CSMD1: variants seen among roughly 807,000 people sequenced by gnomAD.
The protein encoded by CSMD1 is CUB and sushi domain-containing protein 1.
Under a neutral mutation model 417.5 loss-of-function variants are expected in CSMD1, and 213 were observed. That is an observed-to-expected ratio of 0.51 (90% confidence interval 0.46 to 0.57). CSMD1 has a LOEUF of 0.57. Among genes scored for constraint, CSMD1 ranks in the 20% least tolerant of loss-of-function variants. The pLI is 0.00. For missense variants in CSMD1, 6,923 were observed against 4,529.7 expected (o/e 1.53, Z -15.17); for synonymous variants, 2,862 against 1,736.8 (o/e 1.65, Z -16.11).
chr8:4,955,476 G>C (rs1809036761), intron 1 of CSMD1, among the ~76,000 whole-genome samples: 2 of 150,194 alleles, frequency 1.3e-5, no homozygotes, highest in South Asian at 4.2e-4. Context: ...TTTATTGTGA[G>C]ACAGAGTCTC....
At chr8:3,609,503 T>C (rs971978273) in intron 8 of CSMD1, among the ~76,000 whole-genome samples, 10 of 152,188 alleles carry the variant, frequency 6.6e-5, no homozygotes, top group Admixed American at 2.6e-4. Context: ...AATGATAGAA[T>C]TAATATTTAG....
chr8:4,937,931 TC>T (rs1807732634), intron 1 of CSMD1, among the ~76,000 whole-genome samples: 1 of 152,328 alleles, frequency 6.6e-6, no homozygotes, highest in African/African-American at 2.4e-5. Context: ...TACCTACTTA[TC>T]TAAATTTTGT....
rs777447263 is a variant in CSMD1 at position 3,307,766 on chromosome 8, G to C, written c.3879C>G (p.Gly1293=). 2 of 1,613,578 alleles carry C rather than the reference G, an allele frequency of 1.2e-6. No individual in the cohort carries two copies. Residue 1293 remains glycine (G), a synonymous_variant, in exon 25 of 70, where the codon GGC becomes GGG. Transcript: ENST00000635120. ...GGTTGTTGTCATACGGAGCTGGATA[G>C]CCAGGGGACAATATTCGTCCTGATG... ...AATSGRILSP[G]YPAPYDNNLH...
intron 3 of CSMD1, among the ~76,000 whole-genome samples, chr8:4,255,660 C>A (rs114484111): frequency 3.3e-5 from 5 of 152,130 alleles, no homozygotes; most frequent in East Asian, 1.9e-4. Context: ...TTGGACTTTG[C>A]TAATATGTAT....
chr8:2,954,393 C>T, intron 64 of CSMD1, 125 bp from the exon 65 acceptor site: 4 of 566,438 alleles, frequency 7.1e-6, no homozygotes, highest in Non-Finnish European at 1.2e-5. Flanking sequence ...ATATGAATAC[C>T]TTATACATAT....
chr8:4,528,058 T>C (rs1563258568), intron 2 of CSMD1, among the ~76,000 whole-genome samples: 1 of 152,190 alleles, frequency 6.6e-6, no homozygotes, highest in East Asian at 1.9e-4. Flanking sequence ...CCTAGAGCCT[T>C]TCCCACCACA....
intron 5 of CSMD1, among the ~76,000 whole-genome samples, chr8:3,768,195 A>AAG (rs1798390344): frequency 6.6e-6 from 1 of 152,164 alleles, no homozygotes; most frequent in Non-Finnish European, 1.5e-5. Flanking sequence ...ATCTTTAGGA[A>AAG]GAGTGGTTCC....
intron 26 of CSMD1, among the ~76,000 whole-genome samples, chr8:3,256,309 G>GAAAAAAAAAA (rs61572877): frequency 1.2e-5 from 1 of 81,432 alleles, no homozygotes. Flanking sequence ...TAAGTCTCAA[G>GAAAAAAAAAA]AAAAAAAAAA....
intron 1 of CSMD1, among the ~76,000 whole-genome samples, chr8:4,802,443 C>A (rs2117289912): frequency 6.6e-6 from 1 of 152,052 alleles, no homozygotes; most frequent in African/African-American, 2.4e-5. Flanking sequence ...TCATGTGTGC[C>A]ATCTCACAGT....
chr8:4,341,858 G>C (rs1430627044), intron 3 of CSMD1, among the ~76,000 whole-genome samples: 1 of 152,032 alleles, frequency 6.6e-6, no homozygotes, highest in Non-Finnish European at 1.5e-5. Flanking sequence ...TCACCCAGCA[G>C]CCACAGCTGA....
intron 3 of CSMD1, among the ~76,000 whole-genome samples, chr8:4,367,960 A>G (rs1304089990): frequency 6.6e-6 from 1 of 152,126 alleles, no homozygotes; most frequent in Non-Finnish European, 1.5e-5. Context: ...GGCAGGCTTT[A>G]TGGGGTGTTC....
At chr8:3,805,761 C>T (rs181335996) in intron 5 of CSMD1, among the ~76,000 whole-genome samples, 6 of 151,954 alleles carry the variant, frequency 3.9e-5, no homozygotes, top group Non-Finnish European at 8.8e-5. Flanking sequence ...TCTTTGAGTC[C>T]GTCCCCTACC....
At chr8:4,841,524 G>A (rs1016726835) in intron 1 of CSMD1, among the ~76,000 whole-genome samples, 1 of 152,156 alleles carries the variant, frequency 6.6e-6, no homozygotes. Context: ...AAAATAAAAA[G>A]TAATGTGTCA....
At chr8:4,260,741 G>C (rs1341739309) in intron 3 of CSMD1, among the ~76,000 whole-genome samples, 1 of 151,958 alleles carries the variant, frequency 6.6e-6, no homozygotes, top group Non-Finnish European at 1.5e-5. Context: ...TATCATACTT[G>C]GTTTAAACAA....
chr8:3,425,923 T>A (rs190530956), intron 12 of CSMD1, among the ~76,000 whole-genome samples: 1 of 152,270 alleles, frequency 6.6e-6, no homozygotes, highest in East Asian at 1.9e-4. Flanking sequence ...TAATGGAATC[T>A]GCATTGTATT....
At chr8:4,217,183 C>G (rs187070155) in intron 3 of CSMD1, among the ~76,000 whole-genome samples, 13 of 152,168 alleles carry the variant, frequency 8.5e-5, no homozygotes, top group Non-Finnish European at 1.5e-4. Flanking sequence ...CATGCCGCTG[C>G]TTATCATGCA....
At chr8:3,984,615 G>C (rs1047637071) in intron 5 of CSMD1, among the ~76,000 whole-genome samples, 7 of 149,382 alleles carry the variant, frequency 4.7e-5, no homozygotes, top group African/African-American at 9.8e-5. Context: ...AATACAGCTA[G>C]GGGTTTCATT....
intron 3 of CSMD1, among the ~76,000 whole-genome samples, chr8:4,188,074 A>G (rs1398668012): frequency 1.3e-5 from 2 of 152,282 alleles, no homozygotes; most frequent in South Asian, 4.1e-4. Flanking sequence ...TAAAACAAAT[A>G]GAAAAGTGAC....
chr8:4,432,675 A>G (rs1008206058), intron 2 of CSMD1, among the ~76,000 whole-genome samples: 2 of 152,192 alleles, frequency 1.3e-5, no homozygotes, highest in South Asian at 2.1e-4. Context: ...GAGAGACAAG[A>G]TTCAAACCCT....
Sources: allele counts gnomAD v4.1 joint callset (sites outside exome capture counted in the v4.1 genomes callset), GRCh38; gene constraint gnomAD v4.1.1; transcripts MANE v1.5; gene names NCBI Gene and HGNC (gene_info 2026-07-23, HGNC 2026-07-21).